The following TSPEAR variants were observed in gnomAD, a reference collection of about 807,000 sequenced individuals.
TSPEAR encodes the protein thrombospondin type laminin G domain and EAR repeats, also known as thrombospondin-type laminin G domain and EAR repeat-containing protein.
TSPEAR carries 69 observed loss-of-function variants against 71.6 expected under a neutral mutation model. The ratio of observed to expected loss-of-function variants is 0.96; its 90% CI spans 0.79 to 1.18. The LOEUF is 1.18. Ranked by LOEUF, TSPEAR falls within the 50% of genes most tolerant of loss-of-function variation. TSPEAR has a pLI of 0.00. For missense variants in TSPEAR, 971 were observed against 894.9 expected (o/e 1.09, Z -1.09); for synonymous variants, 402 against 387.2 (o/e 1.04, Z -0.45).
intron 1 of TSPEAR, among the ~76,000 whole-genome samples, chr21:44,650,751 G>C (rs1289558775): frequency 6.6e-6 from 1 of 152,348 alleles, no homozygotes; most frequent in East Asian, 1.9e-4. Context: ...AGTGAGGGTG[G>C]AGAGTCCAGG....
intron 1 of TSPEAR, among the ~76,000 whole-genome samples, chr21:44,683,620 G>A (rs953699462): frequency 9.9e-5 from 15 of 152,088 alleles, no homozygotes. Context: ...CATGAGTTAT[G>A]ATCACACCAC....
intron 1 of TSPEAR, chr21:44,686,538 G>T: frequency 6.5e-6 from 1 of 153,468 alleles, no homozygotes; most frequent in South Asian, 1.9e-4. Context: ...TGCTCAGGTC[G>T]GGCCTGTGTG....
At chr21:44,645,143 T>C (rs1351899618) in intron 1 of TSPEAR, among the ~76,000 whole-genome samples, 1 of 152,206 alleles carries the variant, frequency 6.6e-6, no homozygotes, top group Non-Finnish European at 1.5e-5. Flanking sequence ...AAAATGTATG[T>C]CCTAAAATCA....
chr21:44,509,079 G>T, intron 10 of TSPEAR, 120 bp downstream of exon 10: 1 of 1,380,412 alleles, frequency 7.2e-7, no homozygotes, highest in Non-Finnish European at 9.9e-7. Flanking sequence ...CTTTCCACAG[G>T]AAGGTCCCCA....
intron 1 of TSPEAR, among the ~76,000 whole-genome samples, chr21:44,684,657 C>A (rs1165841460): frequency 6.6e-6 from 1 of 152,058 alleles, no homozygotes; most frequent in African/African-American, 2.4e-5. Context: ...TTGACTAGGA[C>A]GAGGCCAGGT....
At chr21:44,517,451 TGTGAGGAC>T in intron 9 of TSPEAR, 1 of 258,286 alleles carries the variant, frequency 3.9e-6, no homozygotes, top group Non-Finnish European at 7.7e-6. Context: ...GCCAATGAGC[TGTGAGGAC>T]GTGAGCACAG....
rs1297175025 is a variant in TSPEAR at position 44,504,855 on chromosome 21, A to G, written c.1781T>C (p.Val594Ala). ...CSALDWEFFS[V>A]GEDYFLVVAN... Reference sequence around the variant, plus strand: ...CACCACCAGGAAATAATCTTCTCCCACCGAGAAAAACTCCCAGTCCAGAGC... The same window carrying G: ...CACCACCAGGAAATAATCTTCTCCCGCCGAGAAAAACTCCCAGTCCAGAGC... The change falls in exon 11 of 12, where the codon GTG becomes GCG. Residue 594 changes from valine to alanine, a missense_variant. Coordinates refer to ENST00000323084, the MANE Select transcript of TSPEAR (RefSeq NM_144991.3). 4 of 1,613,770 alleles carry G rather than the reference A, an allele frequency of 2.5e-6. No individual in the cohort carries two copies. In the African/African-American group the frequency reaches 5.3e-5, roughly 22 times the overall value.
intron 1 of TSPEAR, among the ~76,000 whole-genome samples, chr21:44,633,362 T>A (rs1601510162): frequency 2.0e-5 from 3 of 152,164 alleles, no homozygotes; most frequent in Admixed American, 6.5e-5. Context: ...ATATAAGCAT[T>A]TATAGCTACA....
At chr21:44,666,259 G>A (rs587750693) in intron 1 of TSPEAR, 2 of 716,452 alleles carry the variant, frequency 2.8e-6, no homozygotes, top group East Asian at 5.5e-5. Context: ...AGACTTCCCT[G>A]GGGGGATGGG....
intron 1 of TSPEAR, chr21:44,666,601 C>T: frequency 6.2e-7 from 1 of 1,613,328 alleles, no homozygotes; most frequent in Non-Finnish European, 8.5e-7. Context: ...GAGGGGGCTG[C>T]ACACACAATG....
In TSPEAR at chr21:44,531,081, A is replaced by C. The variant is rs782447044; in HGVS notation, c.595T>G (p.Phe199Val). 2.2e-5 allele frequency: 36 copies of C among 1,613,632 alleles called. No individual in the cohort carries two copies. Among genetic ancestry groups the C allele is most frequent in the Non-Finnish European group, 1.4e-5 (16 of 1,179,976 alleles). Residue 199 changes from phenylalanine (F) to valine (V), a missense_variant, in exon 4 of 12, where the codon TTC (phenylalanine) becomes GTC (valine). Transcript: ENST00000323084. The stretch of plus-strand genomic sequence containing the variant: ...TTGGCTCTCCTCCGGCTGCCGACGA[A>C]GAATCGAGCTCCTTTCACTGACAGG... ...ATLSVKGARFFVGSRRRAKGL... is the reference protein window; with the variant it reads ...ATLSVKGARFVVGSRRRAKGL...
intron 1 of TSPEAR, among the ~76,000 whole-genome samples, chr21:44,639,347 G>A (rs1396782760): frequency 1.3e-5 from 2 of 152,234 alleles, no homozygotes; most frequent in African/African-American, 4.8e-5. Context: ...TCCGGCTCCA[G>A]CAAATGACCC....
At position 44,687,218 on chromosome 21, in the gene TSPEAR, CAG is replaced by C. The variant is rs1555949044; in HGVS notation, c.82+24213_82+24214del. On this transcript the variant is annotated intron_variant, in intron 1 of 11. Transcript: ENST00000323084. This position sits in a 1 kb window ranked among gnomAD's most constrained non-coding sequence, Gnocchi z 4.4. ...GATTGGGGCCACTGAGGCGGTGTGA[CAG>C]GGAGGTAGATTTCAGCTCAGCAGGA... Among the ~76,000 whole-genome samples, 1 of 152,146 alleles carries C rather than the reference CAG, an allele frequency of 6.6e-6. No homozygotes were observed. The highest frequency in any genetic ancestry group is 1.5e-5 in the Non-Finnish European group (1 of 68,024).
intron 1 of TSPEAR, among the ~76,000 whole-genome samples, chr21:44,709,593 T>TG (rs1209384358): frequency 1.3e-5 from 2 of 152,244 alleles, no homozygotes; most frequent in East Asian, 3.8e-4. Flanking sequence ...CGACCGCCTG[T>TG]GACCTGCGGG....
In TSPEAR at chr21:44,647,026, G is replaced by A. The variant is rs782605215; in HGVS notation, c.82+64407C>T. 8.1e-6 allele frequency: 13 copies of A among 1,613,406 alleles called. No individual in the cohort carries two copies. Among genetic ancestry groups the A allele is most frequent in the African/African-American group, 2.7e-5 (2 of 74,638 alleles). ...CTCCTCCTACCAGCAGGCCTGCTGC[G>A]TGCCTGTCTGCTGCAAGACTGTCTA... On this transcript the variant is annotated intron_variant, in intron 1 of 11. Coordinates refer to ENST00000323084, the MANE Select transcript of TSPEAR (RefSeq NM_144991.3).
At chr21:44,567,696 G>A (rs587644178) in intron 2 of TSPEAR, 89 bp downstream of exon 2, 11 of 1,125,764 alleles carry the variant, frequency 9.8e-6, no homozygotes, top group Admixed American at 9.2e-5. Flanking sequence ...GACAAATGCC[G>A]CCCCTCAACC....
chr21:44,549,024 C>T (rs1414648828), intron 2 of TSPEAR, among the ~76,000 whole-genome samples: 1 of 152,174 alleles, frequency 6.6e-6, no homozygotes, highest in African/African-American at 2.4e-5. Flanking sequence ...CTCACGTGGC[C>T]GGTTGCCACG....
intron 1 of TSPEAR, among the ~76,000 whole-genome samples, chr21:44,618,997 GGGGC>G (rs1555933029): frequency 6.6e-6 from 1 of 152,162 alleles, no homozygotes; most frequent in Non-Finnish European, 1.5e-5. Context: ...TGTCTATGAT[GGGGC>G]ACTGGCTCAG....
intron 1 of TSPEAR, among the ~76,000 whole-genome samples, chr21:44,649,033 G>A (rs970728978): frequency 2.0e-5 from 3 of 152,236 alleles, no homozygotes; most frequent in African/African-American, 4.8e-5. Flanking sequence ...AGGGAGATGC[G>A]GGACCCACTG....
Sources: allele counts gnomAD v4.1 joint callset (sites outside exome capture counted in the v4.1 genomes callset), GRCh38; gene constraint gnomAD v4.1.1; non-coding constraint Gnocchi (gnomAD v3.1); transcripts MANE v1.5; gene names NCBI Gene and HGNC (gene_info 2026-07-23, HGNC 2026-07-21).